Variants in CATSPERE observed in about 807,000 individuals in gnomAD.
CATSPERE encodes the protein catsper channel auxiliary subunit epsilon, also known as cation channel sperm-associated auxiliary subunit epsilon.
A neutral mutation model predicts 114.1 loss-of-function variants in CATSPERE; 93 were observed. The ratio of observed to expected loss-of-function variants is 0.81; its 90% CI spans 0.69 to 0.97. CATSPERE has a LOEUF of 0.97. CATSPERE is among the 50% of genes least tolerant of loss of function. The probability of loss-of-function intolerance (pLI) is 0.00; values close to 1 mark genes in which losing one functional copy is unlikely to be tolerated. For missense variants in CATSPERE, 1,058 were observed against 1,131.6 expected, an observed-to-expected ratio of 0.93 and a Z score of 0.93; for synonymous variants, 341 against 384.1, an observed-to-expected ratio of 0.89 and a Z score of 1.31.
chr1:244,458,381 T>C (rs747760373), upstream of CATSPERE, among the ~76,000 whole-genome samples: 1 of 152,222 alleles, frequency 6.6e-6, no homozygotes, highest in Non-Finnish European at 1.5e-5. Context: ...TCCTAGTCAA[T>C]TGTAGCTTTA....
intron 18 of CATSPERE, among the ~76,000 whole-genome samples, chr1:244,609,171 G>A (rs1273055683): frequency 1.3e-5 from 2 of 152,076 alleles, no homozygotes; most frequent in African/African-American, 4.8e-5. Flanking sequence ...GGGCAACAGA[G>A]CAAGATTCCG....
intron 13 of CATSPERE, among the ~76,000 whole-genome samples, chr1:244,587,673 C>A (rs550099531): frequency 6.6e-6 from 1 of 152,202 alleles, no homozygotes; most frequent in Non-Finnish European, 1.5e-5. Flanking sequence ...TAATAATTAG[C>A]CTGTGACCAG....
In CATSPERE at chr1:244,637,915, A is replaced by G. The variant is rs1168760109; in HGVS notation, c.2703-2013A>G. Among the ~76,000 whole-genome samples the G allele has an allele frequency of 4.6e-5, 7 of 152,186 alleles. No individual in the cohort carries two copies. In the East Asian group the frequency reaches 1.3e-3, roughly 29 times the overall value. On this transcript the variant is annotated intron_variant, in intron 21 of 21. Coordinates refer to ENST00000366534, the MANE Select transcript of CATSPERE (RefSeq NM_001130957.2). ...ATTGCAAACATAAAAATCTACTAAC[A>G]TCTACATCCATCCTCTCCTCTTTCC...
chr1:244,610,369 T>C, intron 19 of CATSPERE, 43 bp downstream of exon 19: 2 of 1,407,246 alleles, frequency 1.4e-6, no homozygotes, highest in Non-Finnish European at 2.0e-6. Context: ...TTGGAATAAC[T>C]AATCTGGCAT....
chr1:244,511,109 C>A (rs1246279175), intron 7 of CATSPERE, among the ~76,000 whole-genome samples: 1 of 152,090 alleles, frequency 6.6e-6, no homozygotes, highest in Admixed American at 6.6e-5. Flanking sequence ...TCCCAAAGTG[C>A]TGGGATTACA....
intron 10 of CATSPERE, among the ~76,000 whole-genome samples, chr1:244,570,952 G>C (rs770142119): frequency 3.9e-5 from 6 of 152,086 alleles, no homozygotes; most frequent in Non-Finnish European, 7.4e-5. Flanking sequence ...CACAGTGTAA[G>C]GCAAAAAATG....
intron 2 of CATSPERE, among the ~76,000 whole-genome samples, chr1:244,474,847 G>A (rs899383715): frequency 2.0e-5 from 3 of 150,272 alleles, no homozygotes; most frequent in East Asian, 1.9e-4. Flanking sequence ...GGACTCAAGC[G>A]ATCCTCCCAC....
intron 11 of CATSPERE, 79 bp from the exon 12 acceptor site, chr1:244,581,717 G>A: frequency 1.6e-6 from 1 of 619,238 alleles, no homozygotes; most frequent in Non-Finnish European, 2.9e-6. Context: ...CCTAGATGTA[G>A]AAAGCCATAT....
At position 244,617,647 on chromosome 1, in the gene CATSPERE, T is replaced by C. The variant is rs770037121; in HGVS notation, c.2609T>C (p.Met870Thr). The C allele has an allele frequency of 1.9e-6, 3 of 1,544,468 alleles. No individual in the cohort carries two copies. The highest frequency in any genetic ancestry group is 2.6e-6 in the Non-Finnish European group (3 of 1,145,332). ...TTTTGGCCCATGGGCCATTCTGGAA[T>C]GTATGTATTTCGTGTGAAGATCCTG... is the stretch of plus-strand genomic sequence containing the variant. Reference protein sequence around the residue: ...HIFWPMGHSGMYVFRVKILDP... With the variant: ...HIFWPMGHSGTYVFRVKILDP... Residue 870 changes from methionine (M) to threonine (T), a missense_variant, in exon 20 of 22, where the codon ATG becomes ACG. Coordinates refer to ENST00000366534, the MANE Select transcript of CATSPERE (RefSeq NM_001130957.2).
intron 17 of CATSPERE, among the ~76,000 whole-genome samples, chr1:244,603,809 G>A (rs182612614): frequency 6.6e-6 from 1 of 152,198 alleles, no homozygotes. Flanking sequence ...TGTTCAAGAT[G>A]AGGCTGGACA....
chr1:244,571,871 AG>A (rs1185652264), intron 10 of CATSPERE, among the ~76,000 whole-genome samples: 1 of 152,054 alleles, frequency 6.6e-6, no homozygotes, highest in Non-Finnish European at 1.5e-5. Flanking sequence ...TAAGGGCGCC[AG>A]TTCTGTTGGA....
intron 7 of CATSPERE, among the ~76,000 whole-genome samples, chr1:244,516,441 G>A (rs1337394839): frequency 6.6e-6 from 1 of 152,058 alleles, no homozygotes; most frequent in African/African-American, 2.4e-5. Context: ...TCAAACTCCT[G>A]GGTTCACGTG....
chr1:244,463,174 T>C (rs1667080273), intron 1 of CATSPERE, among the ~76,000 whole-genome samples: 1 of 152,104 alleles, frequency 6.6e-6, no homozygotes, highest in Non-Finnish European at 1.5e-5. Context: ...TTAAGTTTAA[T>C]TTGTTTAGTT....
At chr1:244,526,680 ACT>A (rs1321641946) in intron 8 of CATSPERE, among the ~76,000 whole-genome samples, 17 of 143,074 alleles carry the variant, frequency 1.2e-4, no homozygotes, top group African/African-American at 4.5e-4. Flanking sequence ...ACAGGTTCTC[ACT>A]CTGTCACCCA....
At chr1:244,466,091 T>A (rs1471345245) in intron 2 of CATSPERE, among the ~76,000 whole-genome samples, 1 of 152,204 alleles carries the variant, frequency 6.6e-6, no homozygotes. Flanking sequence ...AGAAAAAAGT[T>A]TTTGAGTTTT....
intron 6 of CATSPERE, among the ~76,000 whole-genome samples, chr1:244,493,453 G>A (rs1295561336): frequency 6.6e-6 from 1 of 152,134 alleles, no homozygotes; most frequent in Non-Finnish European, 1.5e-5. Flanking sequence ...ATTAATTCAA[G>A]ATGGATTAAA....
intron 8 of CATSPERE, among the ~76,000 whole-genome samples, chr1:244,540,173 G>C (rs1436433319): frequency 1.3e-5 from 2 of 151,354 alleles, no homozygotes; most frequent in African/African-American, 2.4e-5. Flanking sequence ...TTAGGCAGGA[G>C]AAGGAAATAA....
chr1:244,563,061 A>T lies in CATSPERE; in HGVS notation c.1507+1916A>T, dbSNP rs138488353. Reference sequence around the variant, plus strand: ...TATCCATGTCCCTGCAAAGGACATGAATTCAGCCTTTTTCATGGCTGCATA... The same window carrying T: ...TATCCATGTCCCTGCAAAGGACATGTATTCAGCCTTTTTCATGGCTGCATA... On this transcript the variant is annotated intron_variant, in intron 10 of 21. Coordinates refer to ENST00000366534, the MANE Select transcript of CATSPERE (RefSeq NM_001130957.2). 9.5e-3 allele frequency among the ~76,000 whole-genome samples: 1,448 copies of T among 152,310 alleles called. 26 individuals carry two copies. The highest frequency in any genetic ancestry group is 0.032 in the African/African-American group (1,342 of 41,564).
chr1:244,588,109 G>A (rs1029863311), intron 13 of CATSPERE, among the ~76,000 whole-genome samples: 5 of 151,146 alleles, frequency 3.3e-5, no homozygotes, highest in Admixed American at 1.3e-4. Flanking sequence ...CAGGAAAATC[G>A]CTTGAACTCG....
Sources: allele counts gnomAD v4.1 joint callset (sites outside exome capture counted in the v4.1 genomes callset), GRCh38; gene constraint gnomAD v4.1.1; transcripts MANE v1.5; gene names NCBI Gene and HGNC (gene_info 2026-07-23, HGNC 2026-07-21).